Variants in COX7A2 observed in about 807,000 individuals in gnomAD.
COX7A2 encodes the protein cytochrome c oxidase subunit 7A2, also known as cytochrome c oxidase subunit 7A2, mitochondrial.
A neutral mutation model predicts 11.6 loss-of-function variants in COX7A2; 11 were observed. The observed-to-expected ratio is 0.95, with a 90% CI of 0.60 to 1.57. COX7A2 has a LOEUF of 1.57. Ranked by LOEUF, COX7A2 falls within the 40% of genes most tolerant of loss-of-function variation. The pLI, the probability that COX7A2 is intolerant of heterozygous loss-of-function variation, is 0.00. For synonymous variants in COX7A2, 30 were observed against 38.2 expected (o/e 0.78, Z 0.79); for missense variants, 106 against 100.9 (o/e 1.05, Z -0.22).
intron 3 of COX7A2, 96 bp downstream of exon 3, chr6:75,240,201 ACTGC>A: frequency 1.2e-6 from 1 of 832,282 alleles, no homozygotes; most frequent in South Asian, 1.5e-5. Context: ...CTGGAGACAA[ACTGC>A]CTGCATTAAA....
At chr6:75,240,249 T>C (rs760029628) in intron 3 of COX7A2, 52 bp downstream of exon 3, 2 of 1,315,764 alleles carry the variant, frequency 1.5e-6, no homozygotes, top group East Asian at 2.3e-5. Flanking sequence ...AAGTTATCAG[T>C]TATCATTACT....
upstream of COX7A2, among the ~76,000 whole-genome samples, chr6:75,245,031 C>A (rs561963738): frequency 6.6e-6 from 1 of 152,272 alleles, no homozygotes; most frequent in East Asian, 1.9e-4. Context: ...GTTGTATGTG[C>A]TCTCTTATGT....
intron 1 of COX7A2, among the ~76,000 whole-genome samples, chr6:75,242,884 C>T (rs1180636156): frequency 6.6e-6 from 1 of 151,862 alleles, no homozygotes; most frequent in African/African-American, 2.4e-5. Context: ...CAAAAAAAAC[C>T]CTATTACTTG....
chr6:75,248,785 T>A (rs892676878), upstream of COX7A2, among the ~76,000 whole-genome samples: 1 of 152,216 alleles, frequency 6.6e-6, no homozygotes, highest in African/African-American at 2.4e-5. Context: ...CACTTTGTAA[T>A]ACACGCAAGG....
At chr6:75,238,438 T>G (rs1771382698) in intron 3 of COX7A2, among the ~76,000 whole-genome samples, 1 of 152,070 alleles carries the variant, frequency 6.6e-6, no homozygotes, top group African/African-American at 2.4e-5. Flanking sequence ...CCGGGCATAG[T>G]TGCTGAAACC....
At chr6:75,238,310 A>C (rs1290865027) in intron 3 of COX7A2, among the ~76,000 whole-genome samples, 1 of 152,154 alleles carries the variant, frequency 6.6e-6, no homozygotes, top group Non-Finnish European at 1.5e-5. Flanking sequence ...GGATGATTAA[A>C]TGCCAAAGAA....
In COX7A2 at chr6:75,237,948, A is replaced by AAATG. The variant is rs768990704; in HGVS notation, c.230_233dup (p.Pro79IlefsTer27). ...ACTGAAGTCACTCCTGCTTCTTGGGAAATGAAGCCACAGCCAGCTCATATA... is the reference window on the plus strand; with the variant it reads ...ACTGAAGTCACTCCTGCTTCTTGGGAAATGAATGAAGCCACAGCCAGCTCATATA... On this transcript the variant is annotated frameshift_variant, in exon 4 of 4. Transcript: ENST00000684430. LOFTEE classifies it high-confidence loss of function. 1.2e-6 allele frequency: 2 copies of AAATG among 1,607,012 alleles called. No homozygotes were observed. Among genetic ancestry groups the AAATG allele is most frequent in the South Asian group, 2.2e-5 (2 of 90,308 alleles).
intron 1 of COX7A2, among the ~76,000 whole-genome samples, chr6:75,249,604 T>G (rs527416594): frequency 1.3e-5 from 2 of 152,190 alleles, no homozygotes; most frequent in African/African-American, 4.8e-5. Context: ...GGAAGAAAGG[T>G]TGGGTAAGAA....
At position 75,238,073 on chromosome 6, in the gene COX7A2, A is replaced by C. The variant is rs1056456284; in HGVS notation, c.194-85T>G. 4.4e-6 allele frequency: 4 copies of C among 916,340 alleles called. No individual in the cohort carries two copies. In the African/African-American group the frequency reaches 6.6e-5, roughly 15 times the overall value. The allele number at this position is 916,340 out of a possible 1,614,324, so 56.8% of individuals were successfully genotyped here. A position where few individuals can be genotyped will look rare whatever the true frequency, so the allele number is the denominator to read the frequency against. On this transcript the variant is annotated intron_variant, in intron 3 of 3. Coordinates refer to ENST00000684430, the MANE Select transcript of COX7A2 (RefSeq NM_001366293.2). ...TTAATATTCCAGTTCAAAAGTTGTA[A>C]GTTTGCATTAAGACTACCTTAATTG...
chr6:75,249,721 G>A lies in COX7A2; in HGVS notation c.-44+335C>T, dbSNP rs989449343. ...TTGATTTGCAGAACAAATGAAGAAT[G>A]AGGTAACAGTGGAAGGCTGATTTCA... On this transcript the variant is annotated intron_variant, in intron 1 of 4. Coordinates refer to the COX7A2 transcript ENST00000370081. Among the ~76,000 whole-genome samples the A allele has an allele frequency of 3.9e-5, 6 of 152,212 alleles. 1 individual carries two copies. The highest frequency in any genetic ancestry group is 3.9e-4 in the Admixed American group (6 of 15,282).
chr6:75,243,905 C>A (rs1305810719), upstream of COX7A2: 3 of 1,322,750 alleles, frequency 2.3e-6, no homozygotes, highest in Non-Finnish European at 3.2e-6. Context: ...AAAACTAGAG[C>A]GGCAGTACGG....
At position 75,240,407 on chromosome 6, in the gene COX7A2, A is replaced by AC. The variant is rs1252030242; in HGVS notation, c.109-23_109-22insG. ...CCTCCTAGATTTAAAAAAAAAAAAA[A>AC]AAGACAATAATAAATGTCTCACTCA... On this transcript the variant is annotated intron_variant, in intron 2 of 3. Transcript: ENST00000684430. 2.0e-6 allele frequency: 3 copies of AC among 1,524,534 alleles called. No homozygotes were observed. In the African/African-American group the frequency reaches 4.2e-5, roughly 21 times the overall value. 94.4% of individuals were successfully genotyped at this position (1,524,534 alleles called of 1,614,324 possible).
upstream of COX7A2, among the ~76,000 whole-genome samples, chr6:75,244,514 A>G (rs1207812044): frequency 1.3e-5 from 2 of 152,214 alleles, no homozygotes; most frequent in African/African-American, 4.8e-5. Flanking sequence ...GGAGTAGAGA[A>G]GCACAGCAAT....
intron 3 of COX7A2, among the ~76,000 whole-genome samples, chr6:75,238,252 T>C (rs1771376070): frequency 6.6e-6 from 1 of 151,998 alleles, no homozygotes; most frequent in South Asian, 2.1e-4. Flanking sequence ...TAAGAACGTA[T>C]ACAAAGGTTA....
At chr6:75,240,133 T>C (rs375874169) in intron 3 of COX7A2, 168 bp downstream of exon 3, 2 of 618,448 alleles carry the variant, frequency 3.2e-6, no homozygotes, top group Non-Finnish European at 5.6e-6. Context: ...AATGCTCTTA[T>C]ACAGTATGTA....
intron 1 of COX7A2, 89 bp from the exon 2 acceptor site, chr6:75,241,354 A>G (rs554941447): frequency 8.5e-6 from 10 of 1,179,528 alleles, no homozygotes; most frequent in Admixed American, 2.4e-5. Flanking sequence ...TAGAAAAGGT[A>G]AATTGAGACT....
intron 1 of COX7A2, 64 bp downstream of exon 1, chr6:75,243,653 G>C: frequency 1.3e-5 from 20 of 1,504,176 alleles, no homozygotes; most frequent in Non-Finnish European, 1.8e-5. Context: ...TTTCTGTCGT[G>C]GTGCCTCAGC....
chr6:75,249,514 CTT>C (rs750200907), intron 1 of COX7A2, among the ~76,000 whole-genome samples: 63 of 152,310 alleles, frequency 4.1e-4, no homozygotes, highest in Non-Finnish European at 7.1e-4. Context: ...CTCAGTTTCT[CTT>C]GTCTTTAAAA....
At chr6:75,241,842 G>T in intron 1 of COX7A2, 1 of 153,638 alleles carries the variant, frequency 6.5e-6, no homozygotes, top group Non-Finnish European at 1.5e-5. Context: ...AGATACTTGG[G>T]AGGCTGAGGC....
Sources: gnomAD v4.1 joint callset for allele counts (sites outside exome capture counted in the v4.1 genomes callset) on GRCh38, gnomAD v4.1.1 for gene constraint, MANE v1.5 for transcripts, NCBI Gene and HGNC (gene_info 2026-07-23, HGNC 2026-07-21) for gene names.